DIP2C: variants seen among roughly 807,000 people sequenced by gnomAD.
DIP2C encodes DIP2 acetate--CoA ligase C (putative).
Under a neutral mutation model 192.4 loss-of-function variants are expected in DIP2C, and 33 were observed. The ratio of observed to expected loss-of-function variants is 0.17; its 90% CI spans 0.13 to 0.23. DIP2C has a LOEUF of 0.23. DIP2C is among the 10% of genes least tolerant of loss of function. The pLI, the probability that DIP2C is intolerant of heterozygous loss-of-function variation, is 1.00. For synonymous variants in DIP2C, 979 were observed against 864.1 expected, an observed-to-expected ratio of 1.13 and a Z score of -2.33; for missense variants, 1,537 against 2,110.1, an observed-to-expected ratio of 0.73 and a Z score of 5.32.
chr10:671,863 A>G (rs112381590), intron 1 of DIP2C, among the ~76,000 whole-genome samples: 57 of 137,568 alleles, frequency 4.1e-4, no homozygotes, highest in South Asian at 2.6e-3. Flanking sequence ...GGCCACAGAC[A>G]CACGGAAGGA....
intron 17 of DIP2C, among the ~76,000 whole-genome samples, chr10:379,607 CTTT>C (rs1267156570): frequency 4.6e-5 from 7 of 152,198 alleles, no homozygotes; most frequent in African/African-American, 1.7e-4. Context: ...GATTTATCTA[CTTT>C]TTTGTTTTCT....
chr10:571,446 C>T (rs577510422), intron 1 of DIP2C, among the ~76,000 whole-genome samples: 1 of 151,410 alleles, frequency 6.6e-6, no homozygotes, highest in East Asian at 1.9e-4. Context: ...CCACTGCCCT[C>T]TCTCTTCCTC....
At chr10:514,156 C>T (rs762026511) in intron 1 of DIP2C, among the ~76,000 whole-genome samples, 71 of 152,196 alleles carry the variant, frequency 4.7e-4, no homozygotes, top group Non-Finnish European at 1.8e-4. Flanking sequence ...CTGCCAGCCG[C>T]ACAGCTGGCC....
chr10:464,039 A>T (rs929366380), intron 3 of DIP2C, among the ~76,000 whole-genome samples: 1 of 152,190 alleles, frequency 6.6e-6, no homozygotes, highest in Non-Finnish European at 1.5e-5. Context: ...AACCATAAAA[A>T]CTCTACAAGA....
At position 328,257 on chromosome 10, in the gene DIP2C, G is replaced by A. The variant is rs557663353; in HGVS notation, c.3754-1081C>T. 1.6e-4 allele frequency among the ~76,000 whole-genome samples: 25 copies of A among 152,314 alleles called. No homozygotes were observed. In the South Asian group the frequency reaches 4.8e-3, roughly 29 times the overall value. On this transcript the variant is annotated intron_variant, in intron 30 of 36. Coordinates refer to ENST00000280886, the MANE Select transcript of DIP2C (RefSeq NM_014974.3). The stretch of plus-strand genomic sequence containing the variant: ...TGACACAAATTACATATTCACACGC[G>A]CGCACGTCTGAGAGGTAAAGCAGCA...
At chr10:664,561 A>G (rs1856972222) in intron 1 of DIP2C, 1 of 152,230 alleles carries the variant, frequency 6.6e-6, no homozygotes, top group African/African-American at 2.4e-5. Flanking sequence ...CACTCGACAC[A>G]TTAACACTAT....
intron 1 of DIP2C, among the ~76,000 whole-genome samples, chr10:523,332 C>T (rs1446160911): frequency 4.6e-5 from 6 of 130,270 alleles, no homozygotes; most frequent in African/African-American, 1.3e-4. Context: ...TCGTTTCTAC[C>T]GGATGCAAAG....
intron 36 of DIP2C, among the ~76,000 whole-genome samples, chr10:279,676 G>C (rs1359174090): frequency 6.6e-6 from 1 of 152,318 alleles, no homozygotes; most frequent in East Asian, 1.9e-4. Context: ...GAGAGGGAAG[G>C]TGGAGCAAAG....
intron 1 of DIP2C, among the ~76,000 whole-genome samples, chr10:523,620 G>T (rs1846868791): frequency 6.7e-6 from 1 of 149,820 alleles, no homozygotes; most frequent in African/African-American, 2.5e-5. Context: ...AGGATGCAGG[G>T]ACTCTGTGTG....
chr10:638,119 C>T (rs1033340074), intron 1 of DIP2C, among the ~76,000 whole-genome samples: 3 of 152,090 alleles, frequency 2.0e-5, no homozygotes, highest in Non-Finnish European at 4.4e-5. Context: ...AGCTGGGCAC[C>T]GAGTCTGAGA....
Position 651,412 on chromosome 10 carries a change from C to T in DIP2C, c.85+38082G>A. ...AACTGTGGAACAACCAAACTCGTGA[C>T]TGAATGAACAAGTATGTTAAGTCGT... On this transcript the variant is annotated intron_variant, in intron 1 of 36. Transcript: ENST00000280886. This position sits in a 1 kb window ranked among gnomAD's most constrained non-coding sequence, Gnocchi z 4.1. 1 of 698,258 alleles carries T rather than the reference C, an allele frequency of 1.4e-6. No individual in the cohort carries two copies. Among genetic ancestry groups the T allele is most frequent in the Non-Finnish European group, 2.6e-6 (1 of 382,246 alleles). 43.3% of individuals were successfully genotyped at this position (698,258 alleles called of 1,614,324 possible).
chr10:529,250 T>TA lies in DIP2C; in HGVS notation c.86-42721dup, dbSNP rs370445651. Among the ~76,000 whole-genome samples the TA allele has an allele frequency of 5.5e-3, 831 of 152,314 alleles. 10 individuals are homozygous for TA. The highest frequency in any genetic ancestry group is 0.019 in the African/African-American group (779 of 41,560). On this transcript the variant is annotated intron_variant, in intron 1 of 36. Coordinates refer to ENST00000280886, the MANE Select transcript of DIP2C (RefSeq NM_014974.3). Reference sequence around the variant, plus strand: ...GTACAGTGAGCACTTATGGACTGGGTATTCACGTAAAATACTGCTTAACTA... The same window carrying TA: ...GTACAGTGAGCACTTATGGACTGGGTAATTCACGTAAAATACTGCTTAACTA...
chr10:548,191 T>G (rs1848388768), intron 1 of DIP2C, among the ~76,000 whole-genome samples: 2 of 131,572 alleles, frequency 1.5e-5, no homozygotes, highest in African/African-American at 2.8e-5. Flanking sequence ...TCAGTCCAAT[T>G]CACACGAGTC....
chr10:515,200 G>T (rs988313781), intron 1 of DIP2C, among the ~76,000 whole-genome samples: 9 of 152,122 alleles, frequency 5.9e-5, no homozygotes, highest in Non-Finnish European at 1.3e-4. Flanking sequence ...ATAGTAACTT[G>T]TCCATAATTG....
intron 30 of DIP2C, among the ~76,000 whole-genome samples, chr10:328,357 A>G (rs1035566678): frequency 6.6e-5 from 10 of 152,198 alleles, no homozygotes; most frequent in African/African-American, 2.4e-4. Flanking sequence ...AGAACCTGGA[A>G]AGGTTGCTTA....
At chr10:648,791 C>G (rs571558126) in intron 1 of DIP2C, among the ~76,000 whole-genome samples, 3 of 112,258 alleles carry the variant, frequency 2.7e-5, no homozygotes, top group South Asian at 3.2e-4. Context: ...CCACATTTGA[C>G]GGTGGGAGAG....
intron 34 of DIP2C, among the ~76,000 whole-genome samples, chr10:285,607 G>A (rs548549829): frequency 4.3e-4 from 66 of 152,348 alleles, no homozygotes; most frequent in African/African-American, 1.4e-3. Context: ...GAAGGAGGAC[G>A]CATGAGACAA....
intron 1 of DIP2C, among the ~76,000 whole-genome samples, chr10:488,006 C>T (rs1399784223): frequency 2.0e-5 from 3 of 152,234 alleles, no homozygotes; most frequent in East Asian, 1.9e-4. Context: ...TTTGGAAATG[C>T]CTTGTTAACC....
chr10:369,208 C>G (rs563997059), intron 18 of DIP2C, among the ~76,000 whole-genome samples: 1 of 152,216 alleles, frequency 6.6e-6, no homozygotes, highest in Non-Finnish European at 1.5e-5. Context: ...GCTGCCCAGG[C>G]ACCAGTGTGG....
Sources: gnomAD v4.1 joint callset for allele counts (sites outside exome capture counted in the v4.1 genomes callset) on GRCh38, gnomAD v4.1.1 for gene constraint, Gnocchi (gnomAD v3.1) non-coding constraint, MANE v1.5 for transcripts, NCBI Gene and HGNC (gene_info 2026-07-23, HGNC 2026-07-21) for gene names.